Variants in LRRC46 observed in about 807,000 individuals in gnomAD.
LRRC46 encodes the protein leucine-rich repeat-containing protein 46.
A neutral mutation model predicts 28.0 loss-of-function variants in LRRC46; 20 were observed. The ratio of observed to expected loss-of-function variants is 0.71; its 90% CI spans 0.50 to 1.04. The LOEUF (loss-of-function observed/expected upper bound fraction) is 1.04. LRRC46 is among the 50% of genes least tolerant of loss of function. The pLI is 0.00. For missense variants in LRRC46, 315 were observed against 390.1 expected, an observed-to-expected ratio of 0.81 and a Z score of 1.62; for synonymous variants, 156 against 158.8, an observed-to-expected ratio of 0.98 and a Z score of 0.13.
chr17:47,837,640 C>A lies in LRRC46; in HGVS notation c.*520C>A. ...CAGCCAGCCCACAGCTGCCTTTGGG[C>A]CTCACTTGGCTCTCCCACCCCCACT... On this transcript the variant is annotated 3_prime_UTR_variant, in exon 8 of 8. Transcript: ENST00000269025. 1 of 640,018 alleles carries A rather than the reference C, an allele frequency of 1.6e-6. No homozygotes were observed. 39.6% of individuals were successfully genotyped at this position (640,018 alleles called of 1,614,324 possible).
rs1316938936 is a variant in LRRC46, at chr17:47,836,720, C to A, written c.596-30C>A. 2.5e-6 allele frequency: 4 copies of A among 1,610,754 alleles called. No individual in the cohort carries two copies. The East Asian group carries it at 6.7e-5, about 27-fold the overall frequency. On this transcript the variant is annotated intron_variant, in intron 7 of 7. Coordinates refer to ENST00000269025, the MANE Select transcript of LRRC46 (RefSeq NM_033413.4). This position sits in a 1 kb window ranked among gnomAD's most constrained non-coding sequence, Gnocchi z 5.8. The stretch of plus-strand genomic sequence containing the variant: ...CTGCTGAGCCCAGGGCTCCACCCAC[C>A]CTGTACCCTCCACCCCCGGCCCCTC...
At position 47,832,142 on chromosome 17, in the gene LRRC46, C is replaced by T; in HGVS notation, c.53C>T (p.Thr18Ile). Residue 18 changes from threonine (T) to isoleucine (I), a missense_variant, in exon 2 of 8, where the codon ACT (threonine) becomes ATT (isoleucine). Thr to Ile is a moderately conservative substitution (Grantham distance 89). Transcript: ENST00000269025. Reference sequence around the variant, plus strand: ...CCAGAGGAAGGGGGCGTCTGCATCACTGAAGCCCTTATCACTAAGCGGAAC... The same window carrying T: ...CCAGAGGAAGGGGGCGTCTGCATCATTGAAGCCCTTATCACTAAGCGGAAC... Reference protein sequence around the residue: ...QGPEEGGVCITEALITKRNLT... With the variant: ...QGPEEGGVCIIEALITKRNLT... 6.2e-7 allele frequency: 1 copy of T among 1,608,744 alleles called. No homozygotes were observed. The highest frequency in any genetic ancestry group is 8.5e-7 in the Non-Finnish European group (1 of 1,176,912).
chr17:47,836,700 G>A lies in LRRC46; in HGVS notation c.596-50G>A. On this transcript the variant is annotated intron_variant, in intron 7 of 7. Transcript: ENST00000269025. The surrounding 1 kb of genome is among the most constrained non-coding windows in gnomAD (Gnocchi z 5.8). The stretch of plus-strand genomic sequence containing the variant: ...CCCTGAGCCCAGGGACCCTCCTGCT[G>A]AGCCCAGGGCTCCACCCACCCTGTA... 6.3e-7 allele frequency: 1 copy of A among 1,593,902 alleles called. No individual in the cohort carries two copies. The highest frequency in any genetic ancestry group is 8.5e-7 in the Non-Finnish European group (1 of 1,173,582).
chr17:47,836,834 T>C lies in LRRC46; in HGVS notation c.680T>C (p.Met227Thr), dbSNP rs1441165429. The C allele has an allele frequency of 1.9e-6, 3 of 1,613,668 alleles. No homozygotes were observed. Among genetic ancestry groups the C allele is most frequent in the Non-Finnish European group, 2.5e-6 (3 of 1,179,954 alleles). The change falls in exon 8 of 8, where the codon ATG becomes ACG. Residue 227 changes from methionine (M) to threonine (T), a missense_variant. Met to Thr is a moderately conservative substitution (Grantham distance 81, BLOSUM62 -1). Coordinates refer to ENST00000269025, the MANE Select transcript of LRRC46 (RefSeq NM_033413.4). This position sits in a 1 kb window ranked among gnomAD's most constrained non-coding sequence, Gnocchi z 5.8. ...GCCCTGACAGAGCACCTGCTGAGGA[T>C]GGAGATGCAGCCCACCCTCACCGAC... ...QTALTEHLLR[M>T]EMQPTLTDLP...
At chr17:47,834,395 T>C (rs2033669568) in intron 2 of LRRC46, 30 bp from the exon 3 acceptor site, 1 of 1,520,966 alleles carries the variant, frequency 6.6e-7, no homozygotes, top group East Asian at 2.3e-5. Flanking sequence ...AGTGGTGCTC[T>C]AACACCACCC....
At position 47,837,373 on chromosome 17, in the gene LRRC46, C is replaced by T; in HGVS notation, c.*253C>T. ...GGGAGCTACCCACAGGGCAGGCATG[C>T]CTCAGGCCCCCGCTGGCTTCCTGGC... On this transcript the variant is annotated 3_prime_UTR_variant, in exon 8 of 8. Coordinates refer to ENST00000269025, the MANE Select transcript of LRRC46 (RefSeq NM_033413.4). 2.0e-6 allele frequency: 1 copy of T among 509,854 alleles called. No individual in the cohort carries two copies. Among genetic ancestry groups the T allele is most frequent in the Non-Finnish European group, 3.3e-6 (1 of 299,084 alleles). 31.6% of individuals were successfully genotyped at this position (509,854 alleles called of 1,614,324 possible).
In LRRC46 at chr17:47,834,456, C is replaced by T. The variant is rs963272346; in HGVS notation, c.148C>T (p.Arg50Cys). The change falls in exon 3 of 8, where the codon CGC becomes TGC. Residue 50 changes from arginine (R) to cysteine (C), a missense_variant. Coordinates refer to ENST00000269025, the MANE Select transcript of LRRC46 (RefSeq NM_033413.4). The stretch of plus-strand genomic sequence containing the variant: ...CACTCTTGATGAACTGCAGACTGTC[C>T]GCCTGGACCGGGAGGGGATTACTAC... ...FHTLDELQTV[R>C]LDREGITTIR... 12 of 1,613,492 alleles carry T rather than the reference C, an allele frequency of 7.4e-6. No individual in the cohort carries two copies. The highest frequency in any genetic ancestry group is 1.3e-5 in the African/African-American group (1 of 74,880).
intron 1 of LRRC46, 34 bp from the exon 2 acceptor site, chr17:47,832,066 A>T (rs2033641407): frequency 6.2e-7 from 1 of 1,613,730 alleles, no homozygotes; most frequent in Admixed American, 1.7e-5. Context: ...TCCAAGAGTG[A>T]GGAAGTGTCA....
chr17:47,832,341 GCTGA>G, intron 2 of LRRC46, 136 bp downstream of exon 2: 1 of 565,400 alleles, frequency 1.8e-6, no homozygotes, highest in African/African-American at 1.9e-5. Context: ...GTAATGCCCA[GCTGA>G]TTTTCCCTTC....
At chr17:47,835,100 T>G in intron 3 of LRRC46, 2 of 493,012 alleles carry the variant, frequency 4.1e-6, no homozygotes, top group Non-Finnish European at 3.6e-6. Context: ...AGGTCACTCT[T>G]TGGTTGTGGA....
Position 47,831,830 on chromosome 17 carries a change from C to T in LRRC46, c.-160C>T. 1.1e-6 allele frequency: 1 copy of T among 910,730 alleles called. No homozygotes were observed. Among genetic ancestry groups the T allele is most frequent in the Non-Finnish European group, 1.7e-6 (1 of 589,518 alleles). The allele number at this position is 910,730 out of a possible 1,614,324, so 56.4% of individuals were successfully genotyped here. On this transcript the variant is annotated 5_prime_UTR_variant, in exon 1 of 8. Coordinates refer to ENST00000269025, the MANE Select transcript of LRRC46 (RefSeq NM_033413.4). ...CAATTTACTGTTTTCTTCGACCTCACCCCAGCAATTTTCTCTGAATCAACC... is the reference window on the plus strand; with the variant it reads ...CAATTTACTGTTTTCTTCGACCTCATCCCAGCAATTTTCTCTGAATCAACC...
Position 47,834,545 on chromosome 17 carries a change from C to T in LRRC46, c.225+12C>T, listed in dbSNP as rs555909697. On this transcript the variant is annotated intron_variant, in intron 3 of 7. Transcript: ENST00000269025. The stretch of plus-strand genomic sequence containing the variant: ...TCTATCTGCAAGGGGTAACTTCTTT[C>T]TCCACCCTTCCCCTCCCCTTGACCC... 13 of 1,562,022 alleles carry T rather than the reference C, an allele frequency of 8.3e-6. 1 individual carries two copies. The South Asian group carries it at 1.0e-4, about 12-fold the overall frequency.
chr17:47,834,567 A>T (rs375397088), intron 3 of LRRC46, 34 bp downstream of exon 3: 212 of 1,399,612 alleles, frequency 1.5e-4, no homozygotes, highest in Non-Finnish European at 2.1e-4. Flanking sequence ...CCTCCCCTTG[A>T]CCCCTGTGGA....
chr17:47,835,907 G>C, intron 5 of LRRC46, 126 bp from the exon 6 acceptor site: 1 of 1,309,050 alleles, frequency 7.6e-7, no homozygotes, highest in South Asian at 1.2e-5. Flanking sequence ...GGAGTTCAAG[G>C]GGTTGTGCCT....
At position 47,837,303 on chromosome 17, in the gene LRRC46, G is replaced by C; in HGVS notation, c.*183G>C. Reference sequence around the variant, plus strand: ...AAAGCTCCAGGAAACAAAATACAGAGCTCAGTGAGCCACCTGATTCTAAAG... The same window carrying C: ...AAAGCTCCAGGAAACAAAATACAGACCTCAGTGAGCCACCTGATTCTAAAG... On this transcript the variant is annotated 3_prime_UTR_variant, in exon 8 of 8. Coordinates refer to ENST00000269025, the MANE Select transcript of LRRC46 (RefSeq NM_033413.4). The C allele has an allele frequency of 1.3e-6, 1 of 748,440 alleles. No homozygotes were observed. Among genetic ancestry groups the C allele is most frequent in the Non-Finnish European group, 2.0e-6 (1 of 494,508 alleles). The allele number at this position is 748,440 out of a possible 1,614,324, so 46.4% of individuals were successfully genotyped here. A position where few individuals can be genotyped will look rare whatever the true frequency, so the allele number is the denominator to read the frequency against.
Position 47,836,840 on chromosome 17 carries a change from T to C in LRRC46, c.686T>C (p.Met229Thr). 1.2e-6 allele frequency: 2 copies of C among 1,613,872 alleles called. No homozygotes were observed. The highest frequency in any genetic ancestry group is 1.7e-6 in the Non-Finnish European group (2 of 1,179,986). ...ALTEHLLRME[M>T]QPTLTDLPLL... ...ACAGAGCACCTGCTGAGGATGGAGATGCAGCCCACCCTCACCGACCTGCCC... is the reference window on the plus strand; with the variant it reads ...ACAGAGCACCTGCTGAGGATGGAGACGCAGCCCACCCTCACCGACCTGCCC... The change falls in exon 8 of 8, where the codon ATG becomes ACG. Residue 229 changes from methionine (M) to threonine (T), a missense_variant. Physicochemically the swap from Met to Thr is moderately conservative, Grantham distance 81. Coordinates refer to ENST00000269025, the MANE Select transcript of LRRC46 (RefSeq NM_033413.4). This position sits in a 1 kb window ranked among gnomAD's most constrained non-coding sequence, Gnocchi z 5.8.
chr17:47,833,428 A>T (rs1598043503), intron 2 of LRRC46, among the ~76,000 whole-genome samples: 1 of 141,082 alleles, frequency 7.1e-6, no homozygotes, highest in African/African-American at 2.7e-5. Flanking sequence ...CACTTGTCAT[A>T]GATGTTTGGC....
In LRRC46 at chr17:47,836,589, C is replaced by A; in HGVS notation, c.595+114C>A. 6.6e-7 allele frequency: 1 copy of A among 1,508,404 alleles called. No individual in the cohort carries two copies. The highest frequency in any genetic ancestry group is 8.9e-7 in the Non-Finnish European group (1 of 1,120,966). 93.4% of individuals were successfully genotyped at this position (1,508,404 alleles called of 1,614,324 possible). A position where few individuals can be genotyped will look rare whatever the true frequency, so the allele number is the denominator to read the frequency against. ...GGGGAGGGGAGCCCCAAGTTCAGAT[C>A]AACATCTGGGCCAGAGCCAGGTGTC... On this transcript the variant is annotated intron_variant, in intron 7 of 7. Coordinates refer to ENST00000269025, the MANE Select transcript of LRRC46 (RefSeq NM_033413.4). This position sits in a 1 kb window ranked among gnomAD's most constrained non-coding sequence, Gnocchi z 5.8.
At chr17:47,834,573 G>A (rs776596692) in intron 3 of LRRC46, 40 bp downstream of exon 3, 24 of 1,398,194 alleles carry the variant, frequency 1.7e-5, no homozygotes, top group Admixed American at 8.5e-5. Flanking sequence ...CTTGACCCCT[G>A]TGGACCTAAT....
Sources: gnomAD v4.1 joint callset for allele counts (sites outside exome capture counted in the v4.1 genomes callset) on GRCh38, gnomAD v4.1.1 for gene constraint, Gnocchi (gnomAD v3.1) non-coding constraint, MANE v1.5 for transcripts, NCBI Gene and HGNC (gene_info 2026-07-23, HGNC 2026-07-21) for gene names.